Variants in RASAL2 observed in about 807,000 individuals in gnomAD.
RASAL2 encodes RAS protein activator like 2.
Under a neutral mutation model 128.9 loss-of-function variants are expected in RASAL2, and 58 were observed. That is an observed-to-expected ratio of 0.45 (90% CI 0.36 to 0.56). The LOEUF is 0.56. RASAL2 is among the 20% of genes least tolerant of loss of function. RASAL2 has a pLI of 0.00. For synonymous variants in RASAL2, 561 were observed against 580.8 expected (o/e 0.97, Z 0.49); for missense variants, 1,360 against 1,601.6 (o/e 0.85, Z 2.57).
chr1:178,283,791 A>G, intron 2 of RASAL2, 100 bp downstream of exon 2: 1 of 1,434,686 alleles, frequency 7.0e-7, no homozygotes, highest in Non-Finnish European at 9.7e-7. Flanking sequence ...GATTATAAAA[A>G]TAAAGGCTTG....
intron 2 of RASAL2, among the ~76,000 whole-genome samples, chr1:178,290,730 C>G (rs1339967608): frequency 1.3e-5 from 2 of 152,040 alleles, no homozygotes; most frequent in Non-Finnish European, 2.9e-5. Flanking sequence ...GGCTGAAGTG[C>G]GGTGGTGCGA....
chr1:178,268,918 T>G (rs1367888639), intron 1 of RASAL2, among the ~76,000 whole-genome samples: 1 of 152,232 alleles, frequency 6.6e-6, no homozygotes, highest in Non-Finnish European at 1.5e-5. Flanking sequence ...TACTTGCTTC[T>G]CTCCTGTATT....
At chr1:178,174,368 A>G (rs1386850842) in intron 1 of RASAL2, among the ~76,000 whole-genome samples, 1 of 152,002 alleles carries the variant, frequency 6.6e-6, no homozygotes, top group Admixed American at 6.6e-5. Flanking sequence ...TTACTGTCCA[A>G]GATTAAAGTT....
At chr1:178,138,903 A>G (rs949115197) in intron 1 of RASAL2, among the ~76,000 whole-genome samples, 1 of 152,124 alleles carries the variant, frequency 6.6e-6, no homozygotes, top group Non-Finnish European at 1.5e-5. Context: ...AATATTAGAA[A>G]TATAACAGTG....
At chr1:178,306,015 T>A (rs1236729880) in intron 3 of RASAL2, among the ~76,000 whole-genome samples, 7 of 152,248 alleles carry the variant, frequency 4.6e-5, no homozygotes, top group Admixed American at 4.6e-4. Context: ...AATTTACTTC[T>A]TATTGACAAG....
At chr1:178,452,034 A>T (rs145058142) in intron 10 of RASAL2, among the ~76,000 whole-genome samples, 2 of 152,274 alleles carry the variant, frequency 1.3e-5, no homozygotes, top group East Asian at 3.9e-4. Flanking sequence ...AGATGTGTTC[A>T]TGAATTTTGA....
intron 1 of RASAL2, among the ~76,000 whole-genome samples, chr1:178,229,757 G>A (rs1388969138): frequency 6.6e-6 from 1 of 152,088 alleles, no homozygotes; most frequent in Non-Finnish European, 1.5e-5. Context: ...CTATAACACT[G>A]ATTAAGCAAA....
intron 1 of RASAL2, among the ~76,000 whole-genome samples, chr1:178,112,505 G>A (rs1011366331): frequency 1.3e-5 from 2 of 151,866 alleles, no homozygotes; most frequent in East Asian, 3.9e-4. Context: ...AGCCAGGATC[G>A]CGACACTGCA....
At chr1:178,202,184 T>TA (rs1662895829) in intron 1 of RASAL2, among the ~76,000 whole-genome samples, 1 of 152,150 alleles carries the variant, frequency 6.6e-6, no homozygotes, top group South Asian at 2.1e-4. Context: ...AGGTTTGACT[T>TA]ACAGTATCCA....
chr1:178,217,766 A>G (rs1297162098), intron 1 of RASAL2, among the ~76,000 whole-genome samples: 1 of 152,236 alleles, frequency 6.6e-6, no homozygotes, highest in Non-Finnish European at 1.5e-5. Context: ...CTAGCTGCTC[A>G]GGGTGCTGGT....
intron 2 of RASAL2, among the ~76,000 whole-genome samples, chr1:178,294,209 T>TGTAGAAAGGCTTATGCA (rs1226577261): frequency 6.6e-6 from 1 of 152,164 alleles, no homozygotes; most frequent in Non-Finnish European, 1.5e-5. Context: ...ACACTTTCTT[T>TGTAGAAAGGCTTATGCA]GTAGAAAGGC....
At chr1:178,404,251 G>T (rs1273453035) in intron 4 of RASAL2, among the ~76,000 whole-genome samples, 2 of 151,612 alleles carry the variant, frequency 1.3e-5, no homozygotes, top group African/African-American at 4.8e-5. Context: ...AAAATTAAGG[G>T]ACAAGTGACT....
At chr1:178,396,807 C>T (rs1374265182) in intron 4 of RASAL2, among the ~76,000 whole-genome samples, 2 of 145,432 alleles carry the variant, frequency 1.4e-5, no homozygotes, top group Non-Finnish European at 3.0e-5. Flanking sequence ...AATTTTTTGT[C>T]AGATTGTTGA....
intron 4 of RASAL2, among the ~76,000 whole-genome samples, chr1:178,394,244 AT>A (rs1444849299): frequency 4.6e-5 from 7 of 152,154 alleles, no homozygotes; most frequent in Non-Finnish European, 1.0e-4. Flanking sequence ...AACTTTAGTC[AT>A]TTGACATTTT....
At chr1:178,366,921 GGAGTATACAGAGT>G (rs1344101456) in intron 3 of RASAL2, among the ~76,000 whole-genome samples, 1 of 152,020 alleles carries the variant, frequency 6.6e-6, no homozygotes, top group African/African-American at 2.4e-5. Context: ...TAGGGGCTGG[GGAGTATACAGAGT>G]GACTGCTAAT....
At chr1:178,239,302 G>A (rs985959154) in intron 1 of RASAL2, among the ~76,000 whole-genome samples, 4 of 152,160 alleles carry the variant, frequency 2.6e-5, no homozygotes, top group East Asian at 1.9e-4. Context: ...GTGGTATCTG[G>A]TGGTTAGAAC....
Position 178,159,113 on chromosome 1 carries a change from C to T in RASAL2, c.202+64419C>T, listed in dbSNP as rs527555997. Among the ~76,000 whole-genome samples, 228 of 152,144 alleles carry T rather than the reference C, an allele frequency of 1.5e-3. 1 individual carries two copies. The highest frequency in any genetic ancestry group is 4.6e-3 in the African/African-American group (189 of 41,510). On this transcript the variant is annotated intron_variant, in intron 1 of 17. Transcript: ENST00000367649. ...AACAAATACTTTAGGAATTATTTTT[C>T]GAAAATAAAATAGTCTTAAAAGTGA...
intron 1 of RASAL2, among the ~76,000 whole-genome samples, chr1:178,264,111 C>G (rs1281863056): frequency 6.6e-6 from 1 of 152,110 alleles, no homozygotes; most frequent in Non-Finnish European, 1.5e-5. Flanking sequence ...GATTAAATAC[C>G]TTGTAACCAG....
At chr1:178,116,109 T>A (rs1659513002) in intron 1 of RASAL2, among the ~76,000 whole-genome samples, 1 of 152,226 alleles carries the variant, frequency 6.6e-6, no homozygotes, top group Non-Finnish European at 1.5e-5. Context: ...AACTTCTTCC[T>A]TGGAGTCTTT....
Sources: allele counts gnomAD v4.1 joint callset (sites outside exome capture counted in the v4.1 genomes callset), GRCh38; gene constraint gnomAD v4.1.1; transcripts MANE v1.5; gene names NCBI Gene and HGNC (gene_info 2026-07-23, HGNC 2026-07-21).